The following KDM5D variants were observed in gnomAD, a reference collection of about 807,000 sequenced individuals.
KDM5D encodes lysine-specific demethylase 5D.
A neutral mutation model predicts 31.9 loss-of-function variants in KDM5D; 25 were observed. That is an observed-to-expected ratio of 0.78 (90% confidence interval 0.57 to 1.09). The LOEUF (loss-of-function observed/expected upper bound fraction) is 1.09. Ranked by LOEUF, KDM5D falls within the 50% of genes least tolerant of loss-of-function variation. The probability of loss-of-function intolerance (pLI) is 0.00; values close to 1 mark genes in which losing one functional copy is unlikely to be tolerated. For missense variants in KDM5D, 366 were observed against 341.6 expected (o/e 1.07, Z -0.56); for synonymous variants, 146 against 122.3 (o/e 1.19, Z -1.28).
chrY:19,727,891 G>A, intron 11 of KDM5D, among the ~76,000 whole-genome samples: 1 of 32,080 alleles, frequency 3.1e-5, no homozygotes, highest in East Asian at 8.1e-4. Flanking sequence ...ACATTTTTAA[G>A]TTGCTTTAAG....
At chrY:19,722,688 GA>G (rs1556075622) in intron 11 of KDM5D, among the ~76,000 whole-genome samples, 28 of 26,829 alleles carry the variant, frequency 1.0e-3, no homozygotes, top group African/African-American at 1.9e-3. Flanking sequence ...AATACAATAG[GA>G]AAAAAAAAAA....
At position 19,707,480 on chromosome Y, in the gene KDM5D, C is replaced by T; in HGVS notation, c.3666G>A (p.Trp1222Ter). ...ACAGGAATTTTGTGTCCCATTCCCA[C>T]CAGGCTAGCAGTGGAGATGAAGTGA... The part of the protein sequence containing the change: ...PSLTSSPLLA[W>*]WEWDTKFLCP... The change falls in exon 24 of 27, where the codon TGG (tryptophan) becomes TGA (stop). Residue 1222 changes from tryptophan (W) to a stop codon, truncating the protein, a stop_gained. Transcript: ENST00000317961. LOFTEE classifies it high-confidence loss of function. The T allele has an allele frequency of 2.5e-6, 1 of 394,957 alleles. No homozygotes were observed. Among genetic ancestry groups the T allele is most frequent in the Non-Finnish European group, 3.6e-6 (1 of 281,450 alleles).
chrY:19,707,049 G>C, intron 24 of KDM5D, 98 bp downstream of exon 24: 2 of 309,772 alleles, frequency 6.5e-6, no homozygotes, highest in Non-Finnish European at 9.4e-6. Flanking sequence ...GGCCAAAGGA[G>C]ATTGAAAACT....
At chrY:19,734,601 T>C (rs779614013) in intron 8 of KDM5D, among the ~76,000 whole-genome samples, 1 of 33,674 alleles carries the variant, frequency 3.0e-5, no homozygotes, top group Admixed American at 2.7e-4. Context: ...AGCTCTACCT[T>C]GTGTCTATAA....
intron 11 of KDM5D, among the ~76,000 whole-genome samples, chrY:19,729,994 A>G (rs2045461649): frequency 3.0e-5 from 1 of 33,414 alleles, no homozygotes; most frequent in African/African-American, 1.2e-4. Flanking sequence ...GACCTGTAAA[A>G]CAATGCTCAT....
At chrY:19,722,540 A>G in intron 11 of KDM5D, 1 of 33,581 alleles carries the variant, frequency 3.0e-5, no homozygotes, top group Non-Finnish European at 7.3e-5. Context: ...GACAAATGGT[A>G]TTACATTAAG....
chrY:19,741,743 G>A lies in KDM5D; in HGVS notation c.343C>T (p.Leu115Phe), dbSNP rs777742522. 2 of 392,752 alleles carry A rather than the reference G, an allele frequency of 5.1e-6. No individual in the cohort carries two copies. Among genetic ancestry groups the A allele is most frequent in the South Asian group, 6.0e-5 (2 of 33,517 alleles). The change falls in exon 4 of 27, where the codon CTT becomes TTT. Residue 115 changes from leucine to phenylalanine, a missense_variant. Leu to Phe is a conservative substitution (Grantham distance 22). Coordinates refer to ENST00000317961, the MANE Select transcript of KDM5D (RefSeq NM_004653.5). ...AAGTAGACTACTCTTACCTTACTAA[G>A]GCTGTAGAGGTCCAAGATCTTCCGC... ...VERKILDLYS[L>F]SKIVIEEGGY...
chrY:19,713,207 C>T (rs961855218), intron 18 of KDM5D, among the ~76,000 whole-genome samples: 13 of 33,697 alleles, frequency 3.9e-4, no homozygotes, highest in Non-Finnish European at 7.3e-4. Flanking sequence ...AAACCTGAAA[C>T]CATAAATGCC....
rs759759371 is a variant in KDM5D at position 19,710,416 on chromosome Y, C to A, written c.2543G>T (p.Gly848Val). The A allele has an allele frequency of 4.4e-5, 17 of 387,528 alleles. No individual in the cohort carries two copies. The Admixed American group carries it at 8.8e-4, about 20-fold the overall frequency. ...CTGATGCATGGCACAGGGCAGGCTG[C>A]CCATCTGCTCAAGAAGGACCCGGAG... ...TELRVLLEQM[G>V]SLPCAMHQIG... The change falls in exon 19 of 27, where the codon GGC becomes GTC. Residue 848 changes from glycine (G) to valine (V), a missense_variant. By Grantham distance (109) the Gly-to-Val change is moderately radical (BLOSUM62 -3). Transcript: ENST00000317961.
At chrY:19,727,929 A>G in intron 11 of KDM5D, among the ~76,000 whole-genome samples, 1 of 32,637 alleles carries the variant, frequency 3.1e-5, no homozygotes. Context: ...AACAGCAGCA[A>G]AAGAATTAAA....
At chrY:19,731,674 G>A in intron 11 of KDM5D, 98 bp downstream of exon 11, 1 of 213,198 alleles carries the variant, frequency 4.7e-6, no homozygotes, top group Non-Finnish European at 8.0e-6. Flanking sequence ...TCCGAAATAT[G>A]TGAAGACAAC....
chrY:19,704,284 G>A lies in KDM5D; in HGVS notation c.*1711C>T. 1 of 33,946 alleles carries A rather than the reference G, an allele frequency of 2.9e-5. No individual in the cohort carries two copies. The highest frequency in any genetic ancestry group is 1.1e-4 in the African/African-American group (1 of 8,709). 8.5% of individuals were successfully genotyped at this position (33,946 alleles called of 400,897 possible). ...CAGAATTTTCCGTTAACAAGTGTCA[G>A]AGAATCTGTAATGGCTTGAGAATCA... On this transcript the variant is annotated 3_prime_UTR_variant, in exon 27 of 27. Coordinates refer to ENST00000317961, the MANE Select transcript of KDM5D (RefSeq NM_004653.5).
chrY:19,727,897 TTAAG>T (rs2045444894), intron 11 of KDM5D, among the ~76,000 whole-genome samples: 1 of 32,454 alleles, frequency 3.1e-5, no homozygotes, highest in African/African-American at 1.2e-4. Context: ...TTAAGTTGCT[TTAAG>T]TAAGTTACTT....
chrY:19,734,167 T>C, intron 8 of KDM5D, among the ~76,000 whole-genome samples: 3 of 33,644 alleles, frequency 8.9e-5, no homozygotes, highest in Non-Finnish European at 2.2e-4. Context: ...AAAATATACA[T>C]AGTCTCAGTC....
rs765530292 is a variant in KDM5D at position 19,709,545 on chromosome Y, T to C, written c.2848A>G (p.Ser950Gly). The change falls in exon 20 of 27, where the codon AGC (serine) becomes GGC (glycine). Residue 950 changes from serine to glycine, a missense_variant. By Grantham distance (56) the Ser-to-Gly change is moderately conservative. Coordinates refer to ENST00000317961, the MANE Select transcript of KDM5D (RefSeq NM_004653.5). ...LLVMGAKIAS[S>G]PSVDKARAEL... is the part of the protein sequence containing the mutation. ...GCCCGGGCCTTGTCCACAGAAGGGC[T>C]GGAGGCTATCTTGGCACCCATAACC... 2.5e-6 allele frequency: 1 copy of C among 397,069 alleles called. No homozygotes were observed. The highest frequency in any genetic ancestry group is 9.3e-5 in the East Asian group (1 of 10,781).
At chrY:19,715,763 G>A in intron 16 of KDM5D, 24 bp from the exon 17 acceptor site, 1 of 398,322 alleles carries the variant, frequency 2.5e-6, no homozygotes, top group Non-Finnish European at 3.5e-6. Flanking sequence ...GCCGGGAAGG[G>A]TACACATCTG....
intron 5 of KDM5D, 97 bp from the exon 6 acceptor site, chrY:19,739,759 T>C (rs2045536125): frequency 4.9e-6 from 1 of 202,283 alleles, no homozygotes; most frequent in Admixed American, 1.1e-4. Context: ...TGTAGTTCTT[T>C]CTAAATTACA....
chrY:19,707,871 C>T, intron 23 of KDM5D, 63 bp downstream of exon 23: 1 of 389,974 alleles, frequency 2.6e-6, no homozygotes, highest in Non-Finnish European at 3.6e-6. Context: ...TCATCAGCAG[C>T]TCTCCTCTTT....
At chrY:19,716,510 A>G (rs2045347184) in intron 14 of KDM5D, 37 bp from the exon 15 acceptor site, 5 of 390,170 alleles carry the variant, frequency 1.3e-5, no homozygotes, top group Non-Finnish European at 1.8e-5. Context: ...GGCTATCTGG[A>G]GACCACAATG....
Sources: allele counts gnomAD v4.1 joint callset (sites outside exome capture counted in the v4.1 genomes callset), GRCh38; gene constraint gnomAD v4.1.1; transcripts MANE v1.5; gene names NCBI Gene and HGNC (gene_info 2026-07-23, HGNC 2026-07-21).